MDFIC: variants seen among roughly 807,000 people sequenced by gnomAD.
MDFIC encodes the protein myoD family inhibitor domain-containing protein.
A neutral mutation model predicts 23.2 loss-of-function variants in MDFIC; 17 were observed. That is an observed-to-expected ratio of 0.73 (90% CI 0.50 to 1.10). MDFIC has a LOEUF of 1.10. Among genes scored for constraint, MDFIC ranks in the 50% least tolerant of loss-of-function variants. MDFIC has a pLI of 0.00. For synonymous variants in MDFIC, 120 were observed against 115.2 expected, an observed-to-expected ratio of 1.04 and a Z score of -0.27; for missense variants, 356 against 316.6, an observed-to-expected ratio of 1.12 and a Z score of -0.95.
intron 4 of MDFIC, among the ~76,000 whole-genome samples, chr7:114,998,613 T>C (rs1791393975): frequency 6.6e-6 from 1 of 152,194 alleles, no homozygotes. Flanking sequence ...TAACTGAAAG[T>C]ACTTCTTATA....
At position 115,001,323 on chromosome 7, in the gene MDFIC, C is replaced by T. The variant is rs183242794; in HGVS notation, c.494-14365C>T. On this transcript the variant is annotated intron_variant, in intron 4 of 4. Transcript: ENST00000393486. The stretch of plus-strand genomic sequence containing the variant: ...AGAAATATTAAACCTGCCTAAATTT[C>T]CACTATAACTTCTCTTGGGAAATCA... 1.2e-4 allele frequency among the ~76,000 whole-genome samples: 18 copies of T among 152,274 alleles called. No individual in the cohort carries two copies. In the East Asian group the frequency reaches 1.7e-3, roughly 15 times the overall value.
intron 4 of MDFIC, among the ~76,000 whole-genome samples, chr7:115,013,812 G>A (rs557549541): frequency 8.9e-4 from 136 of 152,260 alleles, no homozygotes; most frequent in Non-Finnish European, 1.4e-3. Flanking sequence ...GGGAAACCAC[G>A]GACACTGTCT....
rs775886446 is a variant in MDFIC, at chr7:115,017,162, T to G, written c.*1227T>G. On this transcript the variant is annotated 3_prime_UTR_variant, in exon 5 of 5. Transcript: ENST00000393486. ...AAGAACAGTGCCTTCAGCATACTTTTTTATTAGTTGTAGGAATACAGCTTT... is the reference window on the plus strand; with the variant it reads ...AAGAACAGTGCCTTCAGCATACTTTGTTATTAGTTGTAGGAATACAGCTTT... 6.6e-6 allele frequency: 1 copy of G among 152,206 alleles called. No individual in the cohort carries two copies. The highest frequency in any genetic ancestry group is 2.4e-5 in the African/African-American group (1 of 41,454). 9.4% of individuals were successfully genotyped at this position (152,206 alleles called of 1,614,324 possible).
At chr7:114,928,683 C>T (rs1792245075) in intron 2 of MDFIC, among the ~76,000 whole-genome samples, 1 of 152,154 alleles carries the variant, frequency 6.6e-6, no homozygotes, top group Non-Finnish European at 1.5e-5. Context: ...TTGCATATCT[C>T]TTCTGTAGGA....
At chr7:114,973,392 CA>C (rs1793247089) in intron 3 of MDFIC, among the ~76,000 whole-genome samples, 1 of 151,910 alleles carries the variant, frequency 6.6e-6, no homozygotes, top group Non-Finnish European at 1.5e-5. Context: ...CTGCCAACTG[CA>C]AAAAACAAAG....
intron 4 of MDFIC, among the ~76,000 whole-genome samples, chr7:114,986,912 A>G (rs932645427): frequency 6.6e-6 from 1 of 152,226 alleles, no homozygotes; most frequent in African/African-American, 2.4e-5. Context: ...TTTAGCCTAC[A>G]GCCTAGTGCC....
intron 3 of MDFIC, among the ~76,000 whole-genome samples, chr7:114,952,873 C>T (rs563080625): frequency 2.0e-5 from 3 of 152,114 alleles, no homozygotes; most frequent in Non-Finnish European, 2.9e-5. Flanking sequence ...GTTATCTTCA[C>T]GATATTCCTT....
chr7:114,982,498 T>C (rs1265845156), intron 4 of MDFIC, among the ~76,000 whole-genome samples: 1 of 151,602 alleles, frequency 6.6e-6, no homozygotes, highest in African/African-American at 2.4e-5. Context: ...AAGACCAGCC[T>C]GGGCTACATA....
chr7:114,979,421 C>A, intron 3 of MDFIC, 85 bp from the exon 4 acceptor site: 1 of 1,370,198 alleles, frequency 7.3e-7, no homozygotes, highest in Non-Finnish European at 9.7e-7. Flanking sequence ...AACCCCAAAT[C>A]TCTGTTACTG....
chr7:114,964,668 A>C (rs908178250), intron 3 of MDFIC, among the ~76,000 whole-genome samples: 2 of 152,118 alleles, frequency 1.3e-5, no homozygotes, highest in African/African-American at 4.8e-5. Flanking sequence ...CTCGTGCCTC[A>C]GCCTCCTGAG....
In MDFIC at chr7:115,004,787, C is replaced by T. The variant is rs369866712; in HGVS notation, c.494-10901C>T. 1.2e-3 allele frequency among the ~76,000 whole-genome samples: 185 copies of T among 152,234 alleles called. 1 individual carries two copies. Among genetic ancestry groups the T allele is most frequent in the African/African-American group, 4.3e-3 (177 of 41,552 alleles). On this transcript the variant is annotated intron_variant, in intron 4 of 4. Transcript: ENST00000393486. Reference sequence around the variant, plus strand: ...CTCAGAGAGTCTTTTGTGGCTAATTCCATGTGCCTCTAATGTCTTTAATGG... The same window carrying T: ...CTCAGAGAGTCTTTTGTGGCTAATTTCATGTGCCTCTAATGTCTTTAATGG...
chr7:115,014,451 T>A, intron 4 of MDFIC: 1 of 1,289,742 alleles, frequency 7.8e-7, no homozygotes, highest in Non-Finnish European at 1.0e-6. Flanking sequence ...TTCCTACATC[T>A]TTGGTTTTCA....
At chr7:114,924,110 G>A (rs976349256) in intron 2 of MDFIC, among the ~76,000 whole-genome samples, 2 of 152,164 alleles carry the variant, frequency 1.3e-5, no homozygotes, top group African/African-American at 2.4e-5. Context: ...GGCACCCAGG[G>A]CTGTTAAACT....
intron 3 of MDFIC, among the ~76,000 whole-genome samples, chr7:114,947,857 C>T (rs1381481116): frequency 6.6e-6 from 1 of 152,138 alleles, no homozygotes; most frequent in Admixed American, 6.5e-5. Context: ...GCTTCCTTAG[C>T]ACAAAGCAAA....
At chr7:114,999,537 A>G (rs1791416222) in intron 4 of MDFIC, among the ~76,000 whole-genome samples, 1 of 152,012 alleles carries the variant, frequency 6.6e-6, no homozygotes, top group Admixed American at 6.6e-5. Flanking sequence ...AATTACTTAC[A>G]TATAGTGTTA....
Position 115,015,750 on chromosome 7 carries a change from G to A in MDFIC, c.556G>A (p.Val186Ile). The A allele has an allele frequency of 6.2e-7, 1 of 1,614,172 alleles. No individual in the cohort carries two copies. Among genetic ancestry groups the A allele is most frequent in the Non-Finnish European group, 8.5e-7 (1 of 1,180,028 alleles). ...FCEFLTLCNI[V>I]LGQASCGICT... The stretch of plus-strand genomic sequence containing the variant: ...CGAATTCCTGACCCTTTGCAACATT[G>A]TCCTGGGACAAGCGTCATGTGGCAT... Residue 186 changes from valine to isoleucine, a missense_variant, in exon 5 of 5, where the codon GTC becomes ATC. Val to Ile is a conservative substitution (Grantham distance 29). Transcript: ENST00000393486.
intron 3 of MDFIC, among the ~76,000 whole-genome samples, chr7:114,963,598 A>G (rs1331768344): frequency 6.6e-6 from 1 of 152,208 alleles, no homozygotes; most frequent in Non-Finnish European, 1.5e-5. Context: ...TTTTGAGGCA[A>G]GATGTGTCAG....
chr7:114,997,811 G>GAAAGA (rs773090785), intron 4 of MDFIC, among the ~76,000 whole-genome samples: 129 of 150,664 alleles, frequency 8.6e-4, no homozygotes, highest in South Asian at 1.9e-3. Context: ...GAGAAAGAAA[G>GAAAGA]AAAGAAAAGA....
chr7:114,967,830 C>T (rs200676475), intron 3 of MDFIC, among the ~76,000 whole-genome samples: 12 of 118,810 alleles, frequency 1.0e-4, no homozygotes, highest in South Asian at 2.5e-4. Flanking sequence ...TCTTTCTTTT[C>T]TTTTTTTTTT....
Sources: allele counts gnomAD v4.1 joint callset (sites outside exome capture counted in the v4.1 genomes callset), GRCh38; gene constraint gnomAD v4.1.1; transcripts MANE v1.5; gene names NCBI Gene and HGNC (gene_info 2026-07-23, HGNC 2026-07-21).